The following NCAM2 variants were observed in gnomAD, a reference collection of about 807,000 sequenced individuals.
NCAM2 encodes neural cell adhesion molecule 2.
NCAM2 carries 30 observed loss-of-function variants against 98.1 expected under a neutral mutation model. That is an observed-to-expected ratio of 0.31 (90% CI 0.23 to 0.41). NCAM2 has a LOEUF of 0.41. Ranked by LOEUF, NCAM2 falls within the 10% of genes least tolerant of loss-of-function variation. The pLI is 1.00. For synonymous variants in NCAM2, 368 were observed against 342.4 expected (o/e 1.07, Z -0.83); for missense variants, 867 against 1,005.8 (o/e 0.86, Z 1.87).
At chr21:21,273,248 G>A (rs1452811844) in intron 1 of NCAM2, among the ~76,000 whole-genome samples, 4 of 152,026 alleles carry the variant, frequency 2.6e-5, no homozygotes, top group African/African-American at 9.7e-5. Context: ...AAATGTTTGA[G>A]GAATAAAGTA....
chr21:21,408,244 AC>A (rs887055472), intron 9 of NCAM2, among the ~76,000 whole-genome samples: 3 of 152,172 alleles, frequency 2.0e-5, no homozygotes, highest in African/African-American at 7.2e-5. Flanking sequence ...TGAGGAGCTT[AC>A]TTTTGAACTC....
intron 15 of NCAM2, among the ~76,000 whole-genome samples, chr21:21,489,805 T>C: frequency 6.6e-6 from 1 of 152,062 alleles, no homozygotes; most frequent in Non-Finnish European, 1.5e-5. Context: ...ACAGTAAATT[T>C]TGGGACTTAA....
chr21:21,016,188 A>C (rs946197534), intron 1 of NCAM2, among the ~76,000 whole-genome samples: 5 of 152,144 alleles, frequency 3.3e-5, no homozygotes, highest in African/African-American at 7.2e-5. Context: ...CCTTTTGCTG[A>C]TGGGAAGATC....
At chr21:21,002,347 A>G (rs1601055477) in intron 1 of NCAM2, among the ~76,000 whole-genome samples, 1 of 152,274 alleles carries the variant, frequency 6.6e-6, no homozygotes, top group African/African-American at 2.4e-5. Flanking sequence ...CTACTAGAGA[A>G]GCAATTAATG....
chr21:21,509,409 G>A (rs1482457893), intron 16 of NCAM2, among the ~76,000 whole-genome samples: 19 of 152,186 alleles, frequency 1.2e-4, no homozygotes, highest in Non-Finnish European at 2.2e-4. Context: ...ATAAAAGAAA[G>A]GCTTCAACAA....
At chr21:21,305,460 C>T (rs1362554991) in intron 5 of NCAM2, among the ~76,000 whole-genome samples, 1 of 152,094 alleles carries the variant, frequency 6.6e-6, no homozygotes, top group Non-Finnish European at 1.5e-5. Flanking sequence ...AGAAATGATA[C>T]AATTGAACAC....
chr21:21,221,420 C>T (rs2070149498), intron 1 of NCAM2, among the ~76,000 whole-genome samples: 1 of 151,880 alleles, frequency 6.6e-6, no homozygotes, highest in Non-Finnish European at 1.5e-5. Flanking sequence ...GCTATCCTCT[C>T]ACTTCAAACA....
At chr21:21,515,290 A>G (rs986553209) in intron 16 of NCAM2, among the ~76,000 whole-genome samples, 1 of 152,174 alleles carries the variant, frequency 6.6e-6, no homozygotes, top group Non-Finnish European at 1.5e-5. Flanking sequence ...AGGGCTATTC[A>G]TGAGGGTCAT....
At position 21,297,348 on chromosome 21, in the gene NCAM2, TA is replaced by T. The variant is rs1299989959; in HGVS notation, c.619+5114del. Among the ~76,000 whole-genome samples the T allele has an allele frequency of 7.9e-5, 12 of 151,792 alleles. No individual in the cohort carries two copies. The South Asian group carries it at 2.1e-3, about 26-fold the overall frequency. ...AACATTGATATAATCTTGATAGTCA[TA>T]AAAAAATTTTACTTGCTTATATTAA... On this transcript the variant is annotated intron_variant, in intron 5 of 17. Transcript: ENST00000400546.
At chr21:21,148,643 G>A (rs1283346684) in intron 1 of NCAM2, among the ~76,000 whole-genome samples, 1 of 152,064 alleles carries the variant, frequency 6.6e-6, no homozygotes, top group Admixed American at 6.6e-5. Flanking sequence ...TTTTTTGAGA[G>A]ACGCTTTTTT....
intron 1 of NCAM2, among the ~76,000 whole-genome samples, chr21:21,241,406 C>G (rs1437476329): frequency 6.6e-6 from 1 of 151,998 alleles, no homozygotes; most frequent in Admixed American, 6.6e-5. Flanking sequence ...TCTAAGTTCT[C>G]CTTTGAATTA....
intron 1 of NCAM2, among the ~76,000 whole-genome samples, chr21:21,093,653 AT>A (rs1292594549): frequency 1.3e-5 from 2 of 151,844 alleles, no homozygotes; most frequent in Non-Finnish European, 2.9e-5. Flanking sequence ...ATTATACCAG[AT>A]TTTTTCTGCT....
chr21:21,293,609 C>T (rs140984999), intron 5 of NCAM2, among the ~76,000 whole-genome samples: 82 of 151,032 alleles, frequency 5.4e-4, no homozygotes, highest in African/African-American at 1.8e-3. Context: ...ACCTTCAGTG[C>T]GGGAGGAAGA....
chr21:21,536,730 A>G (rs1990003418), intron 17 of NCAM2, among the ~76,000 whole-genome samples: 1 of 152,122 alleles, frequency 6.6e-6, no homozygotes, highest in Admixed American at 6.5e-5. Context: ...GTGTGGAAAA[A>G]GTATGTTGTT....
Position 21,444,304 on chromosome 21 carries a change from T to C in NCAM2, c.1654+12023T>C, listed in dbSNP as rs549443551. ...TTGGCGTGAAGCTTTCTTTTTCTGT[T>C]GTGTCTCTGCCAGGTTTTGGTATCA... On this transcript the variant is annotated intron_variant, in intron 12 of 17. Coordinates refer to ENST00000400546, the MANE Select transcript of NCAM2 (RefSeq NM_004540.5). Among the ~76,000 whole-genome samples the C allele has an allele frequency of 3.7e-3, 559 of 152,292 alleles. 3 individuals are homozygous for C. Among genetic ancestry groups the C allele is most frequent in the African/African-American group, 0.013 (537 of 41,554 alleles).
At chr21:21,337,518 C>A (rs1021654180) in intron 7 of NCAM2, among the ~76,000 whole-genome samples, 1 of 151,838 alleles carries the variant, frequency 6.6e-6, no homozygotes, top group Non-Finnish European at 1.5e-5. Flanking sequence ...ATTTGTGTTT[C>A]TTTGTTAAAT....
At chr21:21,192,700 G>A (rs1391593366) in intron 1 of NCAM2, among the ~76,000 whole-genome samples, 1 of 152,160 alleles carries the variant, frequency 6.6e-6, no homozygotes, top group African/African-American at 2.4e-5. Flanking sequence ...TGAGGTTGAT[G>A]GTGAAGGTAA....
At chr21:21,275,981 T>G (rs915822046) in intron 1 of NCAM2, among the ~76,000 whole-genome samples, 1 of 152,194 alleles carries the variant, frequency 6.6e-6, no homozygotes, top group Non-Finnish European at 1.5e-5. Context: ...CTAGATGAGA[T>G]GGACCTTGTC....
chr21:21,357,315 G>A (rs1464501994), intron 8 of NCAM2, among the ~76,000 whole-genome samples: 1 of 151,966 alleles, frequency 6.6e-6, no homozygotes, highest in Non-Finnish European at 1.5e-5. Context: ...GTTTCAGGCT[G>A]ACAAAAATTA....
Sources: gnomAD v4.1 joint callset for allele counts (sites outside exome capture counted in the v4.1 genomes callset) on GRCh38, gnomAD v4.1.1 for gene constraint, MANE v1.5 for transcripts, NCBI Gene and HGNC (gene_info 2026-07-23, HGNC 2026-07-21) for gene names.